The following HDAC9 variants were observed in gnomAD, a reference collection of about 807,000 sequenced individuals.
HDAC9 encodes MEF-2 interacting transcription repressor (MITR) protein.
Under a neutral mutation model 139.4 loss-of-function variants are expected in HDAC9, and 41 were observed. The observed-to-expected ratio is 0.29, with a 90% CI of 0.23 to 0.38. The LOEUF (loss-of-function observed/expected upper bound fraction) is 0.38. HDAC9 is among the 10% of genes least tolerant of loss of function. The pLI is 1.00. For synonymous variants in HDAC9, 517 were observed against 476.2 expected, an observed-to-expected ratio of 1.09 and a Z score of -1.12; for missense variants, 1,147 against 1,297.0, an observed-to-expected ratio of 0.88 and a Z score of 1.78.
chr7:18,409,827 C>T (rs948247486), intron 1 of HDAC9, among the ~76,000 whole-genome samples: 10 of 152,198 alleles, frequency 6.6e-5, no homozygotes, highest in Non-Finnish European at 1.2e-4. Context: ...ATGGAAAGCT[C>T]CTCAAATATT....
At chr7:18,175,431 T>C (rs528007985) in intron 2 of HDAC9, among the ~76,000 whole-genome samples, 1 of 152,216 alleles carries the variant, frequency 6.6e-6, no homozygotes, top group African/African-American at 2.4e-5. Flanking sequence ...GGTGATGCCC[T>C]GCCCTGCTTC....
At chr7:18,125,616 A>G (rs780801600) in intron 1 of HDAC9, among the ~76,000 whole-genome samples, 2 of 152,062 alleles carry the variant, frequency 1.3e-5, no homozygotes, top group African/African-American at 2.4e-5. Context: ...TTATCTACTT[A>G]TCTATCTCAG....
chr7:18,458,890 G>A (rs1793588125), intron 1 of HDAC9: 2 of 1,534,152 alleles, frequency 1.3e-6, no homozygotes, highest in African/African-American at 2.7e-5. Context: ...GGCTGCTGTA[G>A]GATCTTCCCA....
rs147386504 is a variant in HDAC9, at chr7:18,155,499, C to T, written c.-96-6730C>T. Among the ~76,000 whole-genome samples, 138 of 152,146 alleles carry T rather than the reference C, an allele frequency of 9.1e-4. 1 individual carries two copies. Among genetic ancestry groups the T allele is most frequent in the African/African-American group, 3.3e-3 (136 of 41,490 alleles). On this transcript the variant is annotated intron_variant, in intron 1 of 12. Transcript: ENST00000417496. ...TATGTTATGTATTTTTAGATGTTAC[C>T]ATTGAGTTATATTTATAGTATAGAC...
intron 1 of HDAC9, among the ~76,000 whole-genome samples, chr7:18,482,465 C>T (rs563677271): frequency 7.4e-6 from 1 of 135,304 alleles, no homozygotes; most frequent in African/African-American, 2.7e-5. Context: ...AAACTATTTT[C>T]CCCTTATGTG....
intron 13 of HDAC9, among the ~76,000 whole-genome samples, chr7:18,740,513 A>G (rs1327157552): frequency 1.3e-5 from 2 of 152,196 alleles, no homozygotes; most frequent in Admixed American, 1.3e-4. Flanking sequence ...GTGTGTTCTG[A>G]CTGCTCCACT....
intron 17 of HDAC9, among the ~76,000 whole-genome samples, chr7:18,826,977 G>T (rs887324560): frequency 2.6e-5 from 4 of 151,422 alleles, no homozygotes; most frequent in Non-Finnish European, 5.9e-5. Flanking sequence ...ATTTAGCCGG[G>T]TGCAGTGCTG....
chr7:18,251,428 A>G (rs895338617), intron 2 of HDAC9, among the ~76,000 whole-genome samples: 4 of 152,138 alleles, frequency 2.6e-5, no homozygotes, highest in Admixed American at 6.6e-5. Context: ...TACCTAGGCA[A>G]TGAGATGATC....
intron 1 of HDAC9, among the ~76,000 whole-genome samples, chr7:18,413,073 C>T (rs1181154803): frequency 6.6e-6 from 1 of 152,126 alleles, no homozygotes; most frequent in African/African-American, 2.4e-5. Context: ...TGTCTACCTA[C>T]TAAAATTTCA....
chr7:18,119,878 C>G (rs1227499199), intron 1 of HDAC9, among the ~76,000 whole-genome samples: 1 of 152,166 alleles, frequency 6.6e-6, no homozygotes, highest in East Asian at 1.9e-4. Context: ...ACTTAAAAGA[C>G]CATAGGTGTC....
At chr7:18,610,951 T>C (rs568718132) in intron 6 of HDAC9, among the ~76,000 whole-genome samples, 208 of 152,320 alleles carry the variant, frequency 1.4e-3, no homozygotes, top group Non-Finnish European at 2.3e-3. Flanking sequence ...GCAAATGATA[T>C]ATTCTTTCCT....
At chr7:18,602,361 G>A (rs901082462) in intron 6 of HDAC9, among the ~76,000 whole-genome samples, 8 of 151,262 alleles carry the variant, frequency 5.3e-5, no homozygotes, top group Non-Finnish European at 1.2e-4. Flanking sequence ...TTTCCTGACA[G>A]CCTGACTGTA....
chr7:18,277,331 G>T (rs746662599), intron 2 of HDAC9, among the ~76,000 whole-genome samples: 1 of 152,144 alleles, frequency 6.6e-6, no homozygotes, highest in Non-Finnish European at 1.5e-5. Context: ...ACTGATCCAT[G>T]TCTTAAAAAG....
chr7:18,888,161 C>T lies in HDAC9; in HGVS notation c.2803+13565C>T, dbSNP rs1228854133. ...ACTGGGCCGGGTGCGGTGGCTCCCG[C>T]CTGTAATCCCAGCACTTTGGGAGGC... On this transcript the variant is annotated intron_variant, in intron 22 of 25. Coordinates refer to ENST00000686413, the MANE Select transcript of HDAC9 (RefSeq NM_178425.4). Among the ~76,000 whole-genome samples the T allele has an allele frequency of 2.6e-5, 4 of 152,126 alleles. 1 individual carries two copies. The highest frequency in any genetic ancestry group is 9.7e-5 in the African/African-American group (4 of 41,434).
At chr7:18,649,889 A>G (rs1344515780) in intron 11 of HDAC9, among the ~76,000 whole-genome samples, 2 of 152,116 alleles carry the variant, frequency 1.3e-5, no homozygotes, top group African/African-American at 4.8e-5. Flanking sequence ...GGTGCTAGAG[A>G]TGGGGTGGCT....
At chr7:18,543,605 T>C (rs140770902) in intron 2 of HDAC9, 171 of 152,280 alleles carry the variant, frequency 1.1e-3, no homozygotes, top group African/African-American at 3.9e-3. Flanking sequence ...TGTTTAAAAA[T>C]ATGAATTGAG....
intron 2 of HDAC9, among the ~76,000 whole-genome samples, chr7:18,246,715 C>G (rs1456546068): frequency 6.6e-6 from 1 of 152,066 alleles, no homozygotes; most frequent in Non-Finnish European, 1.5e-5. Context: ...ATGACTTTTA[C>G]TCTGAACAAA....
chr7:18,943,982 C>G, intron 23 of HDAC9, among the ~76,000 whole-genome samples: 1 of 152,046 alleles, frequency 6.6e-6, no homozygotes. Flanking sequence ...TCTATTTGGT[C>G]AAGAATTTTA....
At chr7:18,898,385 T>A (rs1206915250) in intron 22 of HDAC9, among the ~76,000 whole-genome samples, 3 of 151,872 alleles carry the variant, frequency 2.0e-5, no homozygotes, top group Non-Finnish European at 4.4e-5. Flanking sequence ...TAGCTAAAAA[T>A]TTTTTACATA....
Sources: gnomAD v4.1 joint callset for allele counts (sites outside exome capture counted in the v4.1 genomes callset) on GRCh38, gnomAD v4.1.1 for gene constraint, MANE v1.5 for transcripts, NCBI Gene and HGNC (gene_info 2026-07-23, HGNC 2026-07-21) for gene names.